The following IGSF3 variants were observed in gnomAD, a reference collection of about 807,000 sequenced individuals.
IGSF3 encodes glu-Trp-Ile EWI motif-containing protein 3.
A neutral mutation model predicts 114.4 loss-of-function variants in IGSF3; 23 were observed. The observed-to-expected ratio is 0.20, with a 90% confidence interval of 0.14 to 0.28. IGSF3 has a LOEUF of 0.28. IGSF3 is among the 10% of genes least tolerant of loss of function. The pLI, the probability that IGSF3 is intolerant of heterozygous loss-of-function variation, is 1.00. For missense variants in IGSF3, 1,172 were observed against 1,591.5 expected (o/e 0.74, Z 4.48); for synonymous variants, 571 against 645.2 (o/e 0.88, Z 1.74).
In IGSF3 at chr1:116,615,576, G is replaced by A. The variant is rs951040021; in HGVS notation, c.421+504C>T. 8.5e-5 allele frequency among the ~76,000 whole-genome samples: 13 copies of A among 152,124 alleles called. No individual in the cohort carries two copies. The highest frequency in any genetic ancestry group is 2.7e-4 in the African/African-American group (11 of 41,420). On this transcript the variant is annotated intron_variant, in intron 3 of 10. Transcript: ENST00000369486. The surrounding 1 kb of genome is among the most constrained non-coding windows in gnomAD (Gnocchi z 4.3). ...TCCTTCAGCATTAAGGAGCAACAAGGGAGACAGCCAGTTCATAGTTCCTTA... is the reference window on the plus strand; with the variant it reads ...TCCTTCAGCATTAAGGAGCAACAAGAGAGACAGCCAGTTCATAGTTCCTTA...
intron 2 of IGSF3, among the ~76,000 whole-genome samples, chr1:116,643,211 G>A (rs1648187005): frequency 6.6e-6 from 1 of 152,132 alleles, no homozygotes; most frequent in East Asian, 1.9e-4. Context: ...CCTGTCTGAG[G>A]CCACACAGCT....
rs1278445537 is a variant in IGSF3 at position 116,614,783 on chromosome 1, G to A, written c.422-608C>T. Among the ~76,000 whole-genome samples, 3 of 152,154 alleles carry A rather than the reference G, an allele frequency of 2.0e-5. No individual in the cohort carries two copies. Among genetic ancestry groups the A allele is most frequent in the African/African-American group, 4.8e-5 (2 of 41,426 alleles). On this transcript the variant is annotated intron_variant, in intron 3 of 10. Coordinates refer to ENST00000369486, the MANE Select transcript of IGSF3 (RefSeq NM_001007237.3). This position sits in a 1 kb window ranked among gnomAD's most constrained non-coding sequence, Gnocchi z 4.5. ...TCGATCAAAGGGGTCCTCACTGGAA[G>A]GAAGCCACAGTCTGGAGAGATTCAG...
chr1:116,630,135 G>C lies in IGSF3; in HGVS notation c.44-13678C>G, dbSNP rs148237925. On this transcript the variant is annotated intron_variant, in intron 2 of 10. Coordinates refer to ENST00000369486, the MANE Select transcript of IGSF3 (RefSeq NM_001007237.3). ...GGGAATGGGATTTGGAACAAGATTTGGGCTTTGAACATTCGCTACAGGCTC... is the reference window on the plus strand; with the variant it reads ...GGGAATGGGATTTGGAACAAGATTTCGGCTTTGAACATTCGCTACAGGCTC... 1.1e-4 allele frequency among the ~76,000 whole-genome samples: 16 copies of C among 152,282 alleles called. No individual in the cohort carries two copies. In the East Asian group the frequency reaches 3.1e-3, roughly 29 times the overall value.
At position 116,596,272 on chromosome 1, in the gene IGSF3, T is replaced by C. The variant is rs1343772516; in HGVS notation, c.2029+3669A>G. 2.0e-5 allele frequency among the ~76,000 whole-genome samples: 3 copies of C among 152,186 alleles called. No individual in the cohort carries two copies. Among genetic ancestry groups the C allele is most frequent in the African/African-American group, 7.2e-5 (3 of 41,438 alleles). On this transcript the variant is annotated intron_variant, in intron 7 of 10. Coordinates refer to ENST00000369486, the MANE Select transcript of IGSF3 (RefSeq NM_001007237.3). The surrounding 1 kb of genome is among the most constrained non-coding windows in gnomAD (Gnocchi z 4.1). Reference sequence around the variant, plus strand: ...TCCCTGGGTTCCTATTTGATTCTGATGGAATAAGAATATTTAACACAATAT... The same window carrying C: ...TCCCTGGGTTCCTATTTGATTCTGACGGAATAAGAATATTTAACACAATAT...
rs893427065 is a variant in IGSF3, at chr1:116,638,973, G to A, written c.44-22516C>T. ...TGCCCAGGAAAAAAGTCACAGGTAG[G>A]AAGACAAGCATAGAATTAAGAACAA... is the stretch of plus-strand genomic sequence containing the variant. On this transcript the variant is annotated intron_variant, in intron 2 of 10. Coordinates refer to ENST00000369486, the MANE Select transcript of IGSF3 (RefSeq NM_001007237.3). This position sits in a 1 kb window ranked among gnomAD's most constrained non-coding sequence, Gnocchi z 4.1. Among the ~76,000 whole-genome samples the A allele has an allele frequency of 6.6e-6, 1 of 152,200 alleles. No homozygotes were observed. Among genetic ancestry groups the A allele is most frequent in the African/African-American group, 2.4e-5 (1 of 41,440 alleles).
chr1:116,616,266 AG>A lies in IGSF3; in HGVS notation c.234del (p.Phe79SerfsTer17). ...EVQIVSTMDSSFPYAIYTQRV... is the reference protein window; with the variant it reads ...EVQIVSTMDSXFPYAIYTQRV... ...CGCTGGGTGTAGATGGCATAGGGGA[AG>A]GAAGAGTCCATGGTGCTGACGATCT... On this transcript the variant is annotated frameshift_variant, in exon 3 of 11. Transcript: ENST00000369486. LOFTEE classifies it high-confidence loss of function. The surrounding 1 kb of genome is among the most constrained non-coding windows in gnomAD (Gnocchi z 6.6). 1 of 1,611,674 alleles carries A rather than the reference AG, an allele frequency of 6.2e-7. No individual in the cohort carries two copies. Among genetic ancestry groups the A allele is most frequent in the Non-Finnish European group, 8.5e-7 (1 of 1,179,272 alleles).
Position 116,579,831 on chromosome 1 carries a change from A to G in IGSF3, c.2895T>C (p.Ser965=). 1.2e-6 allele frequency: 2 copies of G among 1,612,850 alleles called. No individual in the cohort carries two copies. Among genetic ancestry groups the G allele is most frequent in the Non-Finnish European group, 1.7e-6 (2 of 1,179,908 alleles). ...AGTCCAGCTGGAAAGCTGCCTTCTC[A>G]GAGACCGTGGCATTGGGGACCACTG... ...VDTVVPNATV[S]EKAAFQLDCS... Residue 965 remains serine (S), a synonymous_variant, in exon 10 of 11, where the codon TCT becomes TCC. Coordinates refer to ENST00000369486, the MANE Select transcript of IGSF3 (RefSeq NM_001007237.3). This position sits in a 1 kb window ranked among gnomAD's most constrained non-coding sequence, Gnocchi z 6.4.
chr1:116,626,528 G>A (rs188511772), intron 2 of IGSF3, among the ~76,000 whole-genome samples: 2 of 151,770 alleles, frequency 1.3e-5, no homozygotes, highest in Admixed American at 1.3e-4. Flanking sequence ...ACAAGCCCAT[G>A]CCTTCTACTG....
rs1647449492 is a variant in IGSF3 at position 116,629,271 on chromosome 1, G to A, written c.44-12814C>T. ...AGAAAGGCTATAAAAGGATTTGAAA[G>A]TATTTTCGTAAAGATAAACACCCAC... On this transcript the variant is annotated intron_variant, in intron 2 of 10. Coordinates refer to ENST00000369486, the MANE Select transcript of IGSF3 (RefSeq NM_001007237.3). The surrounding 1 kb of genome is among the most constrained non-coding windows in gnomAD (Gnocchi z 4.3). 6.6e-6 allele frequency among the ~76,000 whole-genome samples: 1 copy of A among 152,204 alleles called. No individual in the cohort carries two copies. Among genetic ancestry groups the A allele is most frequent in the Non-Finnish European group, 1.5e-5 (1 of 68,048 alleles).
At chr1:116,621,626 A>G (rs1002718225) in intron 2 of IGSF3, among the ~76,000 whole-genome samples, 4 of 152,066 alleles carry the variant, frequency 2.6e-5, no homozygotes, top group African/African-American at 9.7e-5. Context: ...ACATCAATAT[A>G]TAACTAATGT....
Position 116,588,565 on chromosome 1 carries a change from C to T in IGSF3, c.2440+129G>A, listed in dbSNP as rs1462427012. 12 of 836,470 alleles carry T rather than the reference C, an allele frequency of 1.4e-5. No individual in the cohort carries two copies. The highest frequency in any genetic ancestry group is 2.0e-5 in the Non-Finnish European group (11 of 538,062). 51.8% of individuals were successfully genotyped at this position (836,470 alleles called of 1,614,324 possible). ...GTGTGCTAGGGTGATGGTCCGTGTA[C>T]CTGCACCCATACTCAGCATGCACCT... On this transcript the variant is annotated intron_variant, in intron 8 of 10. Transcript: ENST00000369486. The surrounding 1 kb of genome is among the most constrained non-coding windows in gnomAD (Gnocchi z 4.9).
chr1:116,637,744 T>C (rs990016245), intron 2 of IGSF3, among the ~76,000 whole-genome samples: 1 of 152,224 alleles, frequency 6.6e-6, no homozygotes, highest in African/African-American at 2.4e-5. Flanking sequence ...ACCATCAGTC[T>C]ATCTCATCCA....
chr1:116,626,191 C>T (rs1647247540), intron 2 of IGSF3, among the ~76,000 whole-genome samples: 1 of 151,850 alleles, frequency 6.6e-6, no homozygotes, highest in South Asian at 2.1e-4. Flanking sequence ...ACTAACCCTG[C>T]TTCCCCTCAT....
rs964368662 is a variant in IGSF3 at position 116,604,015 on chromosome 1, G to C, written c.1233C>G (p.Ile411Met). Residue 411 changes from isoleucine to methionine, a missense_variant, in exon 6 of 11, where the codon ATC becomes ATG. Physicochemically the swap from Ile to Met is conservative, Grantham distance 10. Transcript: ENST00000369486. ...PIIVLPLKSS[I>M]SVEVASNASV... Reference sequence around the variant, plus strand: ...TGGCATTGCTGGCCACCTCCACGGAGATGCTGCTCTCTAGGAAGAGGGAGA... The same window carrying C: ...TGGCATTGCTGGCCACCTCCACGGACATGCTGCTCTCTAGGAAGAGGGAGA... The C allele has an allele frequency of 6.2e-7, 1 of 1,604,986 alleles. No homozygotes were observed. The highest frequency in any genetic ancestry group is 1.3e-5 in the African/African-American group (1 of 74,832).
rs185215072 is a variant in IGSF3, at chr1:116,585,238, T to C, written c.2441-186A>G. On this transcript the variant is annotated intron_variant, in intron 8 of 10. Transcript: ENST00000369486. This position sits in a 1 kb window ranked among gnomAD's most constrained non-coding sequence, Gnocchi z 4.9. Reference sequence around the variant, plus strand: ...TGAGTTCCTTGATCGTGTGTCGGAATGCCTGGGTTTCAAGGAGCTCAATGT... The same window carrying C: ...TGAGTTCCTTGATCGTGTGTCGGAACGCCTGGGTTTCAAGGAGCTCAATGT... 1.4e-4 allele frequency among the ~76,000 whole-genome samples: 22 copies of C among 152,318 alleles called. 1 individual carries two copies. Among genetic ancestry groups the C allele is most frequent in the African/African-American group, 5.1e-4 (21 of 41,572 alleles).
In IGSF3 at chr1:116,621,591, C is replaced by A. The variant is rs569643209; in HGVS notation, c.44-5134G>T. Among the ~76,000 whole-genome samples the A allele has an allele frequency of 7.9e-5, 12 of 152,208 alleles. No individual in the cohort carries two copies. In the South Asian group the frequency reaches 2.5e-3, roughly 32 times the overall value. ...AATAAACATCTATTGTTCCTTTAAG[C>A]CTTAAGTTTGGGGCTTTTTTTTTTA... On this transcript the variant is annotated intron_variant, in intron 2 of 10. Coordinates refer to ENST00000369486, the MANE Select transcript of IGSF3 (RefSeq NM_001007237.3).
Position 116,651,960 on chromosome 1 carries a change from A to G in IGSF3, c.43+14324T>C, listed in dbSNP as rs1648649706. Among the ~76,000 whole-genome samples the G allele has an allele frequency of 6.6e-6, 1 of 152,236 alleles. No individual in the cohort carries two copies. Among genetic ancestry groups the G allele is most frequent in the South Asian group, 2.1e-4 (1 of 4,828 alleles). On this transcript the variant is annotated intron_variant, in intron 2 of 10. Coordinates refer to ENST00000369486, the MANE Select transcript of IGSF3 (RefSeq NM_001007237.3). This position sits in a 1 kb window ranked among gnomAD's most constrained non-coding sequence, Gnocchi z 4.4. Reference sequence around the variant, plus strand: ...CATTTCACACACTGGCCAAGCATATAGCAGAACACATCATATATTTGTTAA... The same window carrying G: ...CATTTCACACACTGGCCAAGCATATGGCAGAACACATCATATATTTGTTAA...
chr1:116,608,397 A>T, intron 4 of IGSF3, 66 bp from the exon 5 acceptor site: 1 of 1,099,652 alleles, frequency 9.1e-7, no homozygotes. Flanking sequence ...ACTAAACCAC[A>T]TTAGCACATT....
Position 116,665,944 on chromosome 1 carries a change from C to T in IGSF3, c.43+340G>A, listed in dbSNP as rs996725216. Among the ~76,000 whole-genome samples, 13 of 152,166 alleles carry T rather than the reference C, an allele frequency of 8.5e-5. No homozygotes were observed. The highest frequency in any genetic ancestry group is 1.3e-4 in the Admixed American group (2 of 15,282). ...GCAGCCCAACAAAGAAGTGAAAACA[C>T]CAGAGCATCCATGTTTGACATGCTA... On this transcript the variant is annotated intron_variant, in intron 2 of 10. Transcript: ENST00000369486. The surrounding 1 kb of genome is among the most constrained non-coding windows in gnomAD (Gnocchi z 4.0).
Sources: gnomAD v4.1 joint callset for allele counts (sites outside exome capture counted in the v4.1 genomes callset) on GRCh38, gnomAD v4.1.1 for gene constraint, Gnocchi (gnomAD v3.1) non-coding constraint, MANE v1.5 for transcripts, NCBI Gene and HGNC (gene_info 2026-07-23, HGNC 2026-07-21) for gene names.